The following DIS3L variants were observed in gnomAD, a reference collection of about 807,000 sequenced individuals.
DIS3L encodes DIS3 like exosome 3'-5' exoribonuclease, also known as DIS3-like exonuclease 1.
In DIS3L, 100 loss-of-function variants were observed where a neutral mutation model predicts 120.3. The ratio of observed to expected loss-of-function variants is 0.83; its 90% CI spans 0.71 to 0.98. The LOEUF is 0.98. DIS3L is among the 50% of genes least tolerant of loss of function. DIS3L has a pLI of 0.00. For missense variants in DIS3L, 1,196 were observed against 1,314.2 expected, an observed-to-expected ratio of 0.91 and a Z score of 1.39; for synonymous variants, 426 against 470.6, an observed-to-expected ratio of 0.91 and a Z score of 1.23.
In DIS3L at chr15:66,315,206, A is replaced by G; in HGVS notation, c.985A>G (p.Met329Val). 6.2e-7 allele frequency: 1 copy of G among 1,612,070 alleles called. No individual in the cohort carries two copies. Among genetic ancestry groups the G allele is most frequent in the Non-Finnish European group, 8.5e-7 (1 of 1,178,624 alleles). Residue 329 changes from methionine (M) to valine (V), a missense_variant, in exon 7 of 17, where the codon ATG becomes GTG. By Grantham distance (21) the Met-to-Val change is conservative. Transcript: ENST00000319212. ...TTCGGGCGAGTCCCCAAGTGAGCCC[A>G]TGCCTACAGGTGAGCCAGCTGCAGA... ...KASGESPSEP[M>V]PTGRVVGILQ...
rs2093023793 is a variant in DIS3L at position 66,333,353 on chromosome 15, T to G, written c.*41T>G. On this transcript the variant is annotated 3_prime_UTR_variant, in exon 17 of 17. Transcript: ENST00000319212. ...CTAAGAGCTGTCATATGTGAATGTT[T>G]TACAGTCTTTTCAAACTTAACATTT... 2 of 1,541,936 alleles carry G rather than the reference T, an allele frequency of 1.3e-6. No homozygotes were observed. The highest frequency in any genetic ancestry group is 4.2e-5 in the Admixed American group (2 of 47,560).
intron 6 of DIS3L, among the ~76,000 whole-genome samples, chr15:66,314,319 T>C (rs2092795355): frequency 6.6e-6 from 1 of 152,154 alleles, no homozygotes; most frequent in Non-Finnish European, 1.5e-5. Flanking sequence ...AAATTTAAAC[T>C]ACAACACAGA....
intron 1 of DIS3L, chr15:66,294,293 C>T: frequency 8.1e-6 from 8 of 985,484 alleles, no homozygotes; most frequent in Non-Finnish European, 9.6e-6. Context: ...GGAAGTTGGA[C>T]TGGGGACTCC....
At chr15:66,316,642 C>A (rs746173112) in intron 7 of DIS3L, among the ~76,000 whole-genome samples, 3 of 152,038 alleles carry the variant, frequency 2.0e-5, no homozygotes, top group African/African-American at 7.3e-5. Context: ...ATGGTGAAAC[C>A]CTGTCTCTAC....
chr15:66,333,044 C>T lies in DIS3L; in HGVS notation c.2897C>T (p.Thr966Ile), dbSNP rs747473150. 7 of 1,613,062 alleles carry T rather than the reference C, an allele frequency of 4.3e-6. No individual in the cohort carries two copies. Among genetic ancestry groups the T allele is most frequent in the Non-Finnish European group, 5.9e-6 (7 of 1,179,912 alleles). ...SIQASRCHSDTIRLEIISNKP... is the reference protein window; with the variant it reads ...SIQASRCHSDIIRLEIISNKP... ...CAGGCCTCACGTTGCCATTCTGATACAATCAGACTTGAAATAATTAGTAAC... is the reference window on the plus strand; with the variant it reads ...CAGGCCTCACGTTGCCATTCTGATATAATCAGACTTGAAATAATTAGTAAC... Residue 966 changes from threonine to isoleucine, a missense_variant, in exon 17 of 17, where the codon ACA becomes ATA. By Grantham distance (89) the Thr-to-Ile change is moderately conservative. Transcript: ENST00000319212.
chr15:66,315,129 A>T lies in DIS3L; in HGVS notation c.908A>T (p.Glu303Val), dbSNP rs371654636. 11 of 1,613,980 alleles carry T rather than the reference A, an allele frequency of 6.8e-6. No homozygotes were observed. Among genetic ancestry groups the T allele is most frequent in the African/African-American group, 1.3e-5 (1 of 74,894 alleles). ...VVVVELLPKN[E>V]WKGRTVALCE... ...GTTGTGGAGCTGCTTCCTAAAAATG[A>T]ATGGAAAGGAAGAACCGTAGCCCTG... The change falls in exon 7 of 17, where the codon GAA (glutamate) becomes GTA (valine). Residue 303 changes from glutamate (E) to valine (V), a missense_variant. Coordinates refer to ENST00000319212, the MANE Select transcript of DIS3L (RefSeq NM_001143688.3).
Position 66,326,188 on chromosome 15 carries a change from G to A in DIS3L, c.2025G>A (p.Leu675=). 2 of 1,614,226 alleles carry A rather than the reference G, an allele frequency of 1.2e-6. No individual in the cohort carries two copies. Among genetic ancestry groups the A allele is most frequent in the Middle Eastern group, 3.3e-4 (2 of 6,062 alleles). ...NIHDLIPKQP[L]EVHETVAECM... ...ACGACCTCATCCCCAAGCAGCCCCT[G>A]GAAGTCCACGAGACAGTGGCTGAAT... Residue 675 remains leucine, a synonymous_variant, in exon 12 of 17, where the codon CTG becomes CTA. Transcript: ENST00000319212.
chr15:66,312,508 A>T (rs1191378321), intron 5 of DIS3L, among the ~76,000 whole-genome samples: 4 of 152,176 alleles, frequency 2.6e-5, no homozygotes, highest in African/African-American at 9.7e-5. Flanking sequence ...TACCTCTTTG[A>T]ATCAAGGTCT....
At chr15:66,293,866 C>G in intron 1 of DIS3L, 131 bp downstream of exon 1, 1 of 871,880 alleles carries the variant, frequency 1.1e-6, no homozygotes. Flanking sequence ...CCTGCGCCCG[C>G]TCGCCGGCCT....
At chr15:66,296,269 G>A (rs554185838) in intron 2 of DIS3L, among the ~76,000 whole-genome samples, 2 of 152,258 alleles carry the variant, frequency 1.3e-5, no homozygotes, top group African/African-American at 4.8e-5. Flanking sequence ...ACCAGTTCCT[G>A]GGACATTCAA....
In DIS3L at chr15:66,308,739, T is replaced by C. The variant is rs746825189; in HGVS notation, c.453T>C (p.Tyr151=). 1 of 1,613,124 alleles carries C rather than the reference T, an allele frequency of 6.2e-7. No individual in the cohort carries two copies. The highest frequency in any genetic ancestry group is 2.2e-5 in the East Asian group (1 of 44,878). ...RSIYNAAVWY[Y]HHCQDRMPIV... ...TATACAACGCAGCTGTTTGGTACTA[T>C]CATCACTGCCAGGACAGGATGCCAA... The change falls in exon 4 of 17, where the codon TAT becomes TAC. Residue 151 remains tyrosine, a synonymous_variant. Coordinates refer to ENST00000319212, the MANE Select transcript of DIS3L (RefSeq NM_001143688.3).
chr15:66,315,213 C>T lies in DIS3L; in HGVS notation c.992C>T (p.Thr331Ile). The T allele has an allele frequency of 1.2e-6, 2 of 1,605,556 alleles. No homozygotes were observed. The highest frequency in any genetic ancestry group is 2.2e-5 in the South Asian group (2 of 90,146). The change falls in exon 7 of 17, where the codon ACA (threonine) becomes ATA (isoleucine). Residue 331 changes from threonine to isoleucine, a missense_variant and splice_region_variant. Physicochemically the swap from Thr to Ile is moderately conservative, Grantham distance 89 (BLOSUM62 -1). Transcript: ENST00000319212. ...SGESPSEPMP[T>I]GRVVGILQKN... is the part of the protein sequence containing the mutation. ...GAGTCCCCAAGTGAGCCCATGCCTA[C>T]AGGTGAGCCAGCTGCAGAGCCACTC...
At chr15:66,320,103 G>A (rs2092864945) in intron 8 of DIS3L, among the ~76,000 whole-genome samples, 2 of 152,008 alleles carry the variant, frequency 1.3e-5, no homozygotes, top group South Asian at 4.1e-4. Flanking sequence ...CAGCCTGGTT[G>A]ATAGAGCAAG....
intron 4 of DIS3L, among the ~76,000 whole-genome samples, chr15:66,310,778 GAAGA>G (rs976476774): frequency 8.5e-5 from 13 of 152,178 alleles, no homozygotes; most frequent in Admixed American, 5.2e-4. Context: ...TTCAATTTGA[GAAGA>G]GAGAATGTGC....
rs139845712 is a variant in DIS3L at position 66,314,113 on chromosome 15, T to C, written c.810T>C (p.Asp270=). 82 of 1,510,344 alleles carry C rather than the reference T, an allele frequency of 5.4e-5. No individual in the cohort carries two copies. The African/African-American group carries it at 1.0e-3, about 19-fold the overall frequency. 93.6% of individuals were successfully genotyped at this position (1,510,344 alleles called of 1,614,324 possible). Reference sequence around the variant, plus strand: ...GACTTCAAGGAGCCAGCAGTAAAGATTCAGGTTCAGTATAAACCTTACATA... The same window carrying C: ...GACTTCAAGGAGCCAGCAGTAAAGACTCAGGTTCAGTATAAACCTTACATA... ...FVRLQGASSK[D]SDLVSDILIH... is the part of the protein sequence containing the mutation. Residue 270 remains aspartate, a synonymous_variant, in exon 6 of 17, where the codon GAT becomes GAC. Coordinates refer to ENST00000319212, the MANE Select transcript of DIS3L (RefSeq NM_001143688.3).
chr15:66,312,106 G>A (rs941679049), intron 5 of DIS3L, among the ~76,000 whole-genome samples: 5 of 151,862 alleles, frequency 3.3e-5, no homozygotes, highest in Non-Finnish European at 7.4e-5. Flanking sequence ...TACTTGGGAG[G>A]TTGAGGCAGG....
chr15:66,293,592 C>T lies in DIS3L; in HGVS notation c.-5C>T, dbSNP rs2092545857. ...CACTCCGCGGCCGCCGGGAGACACG[C>T]CGCCATGCTGCAGAAGCGGGAGAAG... On this transcript the variant is annotated 5_prime_UTR_variant, in exon 1 of 17. Transcript: ENST00000319212. 1 of 1,431,624 alleles carries T rather than the reference C, an allele frequency of 7.0e-7. No individual in the cohort carries two copies. The highest frequency in any genetic ancestry group is 1.5e-5 in the African/African-American group (1 of 67,194). The allele number at this position is 1,431,624 out of a possible 1,614,324, so 88.7% of individuals were successfully genotyped here. A position where few individuals can be genotyped will look rare whatever the true frequency, so the allele number is the denominator to read the frequency against.
Position 66,325,938 on chromosome 15 carries a change from C to T in DIS3L, c.1775C>T (p.Ala592Val), listed in dbSNP as rs771659047. The change falls in exon 12 of 17, where the codon GCA (alanine) becomes GTA (valine). Residue 592 changes from alanine to valine, a missense_variant. Transcript: ENST00000319212. The stretch of plus-strand genomic sequence containing the variant: ...TCAGCATACAAACTGTTCTATGAAG[C>T]AGCCCAAGAACTACTGGATGGAAAC... ...IRSAYKLFYE[A>V]AQELLDGNLS... The T allele has an allele frequency of 5.6e-6, 9 of 1,614,022 alleles. No homozygotes were observed. The highest frequency in any genetic ancestry group is 3.3e-5 in the Admixed American group (2 of 60,000).
At chr15:66,323,411 T>C (rs2092905799) in intron 10 of DIS3L, 82 bp from the exon 11 acceptor site, 2 of 1,447,118 alleles carry the variant, frequency 1.4e-6, no homozygotes, top group Non-Finnish European at 1.9e-6. Flanking sequence ...ATTTTGGCCA[T>C]TTACCTCCCT....
Sources: allele counts gnomAD v4.1 joint callset (sites outside exome capture counted in the v4.1 genomes callset), GRCh38; gene constraint gnomAD v4.1.1; transcripts MANE v1.5; gene names NCBI Gene and HGNC (gene_info 2026-07-23, HGNC 2026-07-21).